Variants in SETD3 observed in about 807,000 individuals in gnomAD.
SETD3 encodes actin-histidine N-methyltransferase.
Under a neutral mutation model 63.0 loss-of-function variants are expected in SETD3, and 19 were observed. That is an observed-to-expected ratio of 0.30 (90% CI 0.21 to 0.44). SETD3 has a LOEUF of 0.44. SETD3 is among the 20% of genes least tolerant of loss of function. The pLI is 1.00. For missense variants in SETD3, 587 were observed against 728.5 expected, an observed-to-expected ratio of 0.81 and a Z score of 2.24; for synonymous variants, 286 against 264.1, an observed-to-expected ratio of 1.08 and a Z score of -0.80.
At chr14:99,481,431 C>G (rs1028181926), upstream of SETD3, 6 of 398,594 alleles carry the variant, frequency 1.5e-5, no homozygotes, top group Non-Finnish European at 2.7e-5. Context: ...ACAAGATGGC[C>G]GCAGTCGGCA....
At chr14:99,431,907 T>C (rs548292164) in intron 6 of SETD3, among the ~76,000 whole-genome samples, 14 of 152,288 alleles carry the variant, frequency 9.2e-5, no homozygotes, top group African/African-American at 3.4e-4. Flanking sequence ...CAAATTCTTA[T>C]TACAAGTCAA....
intron 6 of SETD3, among the ~76,000 whole-genome samples, chr14:99,427,522 A>T: frequency 6.6e-6 from 1 of 152,236 alleles, no homozygotes; most frequent in Non-Finnish European, 1.5e-5. Flanking sequence ...AAAGTTATCA[A>T]AGTAAAATAG....
At chr14:99,448,578 TAGAATGCAAGGATTAAATCTA>T (rs1894271501) in intron 6 of SETD3, among the ~76,000 whole-genome samples, 1 of 152,140 alleles carries the variant, frequency 6.6e-6, no homozygotes, top group Admixed American at 6.5e-5. Context: ...CCCATGACCA[TAGAATGCAAGGATTAAATCTA>T]GATTCACGGC....
chr14:99,418,218 A>G (rs1408295016), intron 6 of SETD3, among the ~76,000 whole-genome samples: 1 of 152,232 alleles, frequency 6.6e-6, no homozygotes, highest in African/African-American at 2.4e-5. Context: ...ATCAGAAATG[A>G]CAAAATATAA....
intron 1 of SETD3, among the ~76,000 whole-genome samples, chr14:99,467,063 T>TA (rs1456956265): frequency 1.3e-5 from 2 of 150,652 alleles, no homozygotes; most frequent in Non-Finnish European, 3.0e-5. Flanking sequence ...GACTCTGCTG[T>TA]AACTGAGTCC....
At chr14:99,407,342 G>A (rs985754951) in intron 8 of SETD3, among the ~76,000 whole-genome samples, 5 of 152,230 alleles carry the variant, frequency 3.3e-5, no homozygotes, top group East Asian at 3.9e-4. Context: ...AAACCCTCGC[G>A]TCTCACCTGG....
intron 1 of SETD3, among the ~76,000 whole-genome samples, chr14:99,479,930 T>C (rs1216711585): frequency 1.3e-5 from 2 of 151,456 alleles, no homozygotes; most frequent in Non-Finnish European, 2.9e-5. Flanking sequence ...CGCGCGTCAC[T>C]GTCAGCTCCT....
intron 6 of SETD3, among the ~76,000 whole-genome samples, chr14:99,446,719 G>A (rs562823801): frequency 1.3e-5 from 2 of 152,168 alleles, no homozygotes; most frequent in African/African-American, 2.4e-5. Flanking sequence ...GTAAAGAGAT[G>A]AGGAAGAGGA....
At chr14:99,453,486 T>A (rs1894579355) in intron 6 of SETD3, among the ~76,000 whole-genome samples, 1 of 152,154 alleles carries the variant, frequency 6.6e-6, no homozygotes, top group South Asian at 2.1e-4. Context: ...CTAGGGTGCC[T>A]ACAGCTCCTA....
chr14:99,402,241 C>T (rs942920600), intron 11 of SETD3, among the ~76,000 whole-genome samples: 1 of 152,194 alleles, frequency 6.6e-6, no homozygotes, highest in Non-Finnish European at 1.5e-5. Context: ...CCTCCAGACC[C>T]CTAGAGCACT....
chr14:99,414,070 G>T (rs923754488), intron 6 of SETD3, 136 bp from the exon 7 acceptor site: 4 of 737,046 alleles, frequency 5.4e-6, no homozygotes, highest in East Asian at 5.2e-5. Context: ...GTCCAGCCGC[G>T]CTACAGAGGG....
At chr14:99,452,695 A>G (rs1292499696) in intron 6 of SETD3, among the ~76,000 whole-genome samples, 7 of 152,208 alleles carry the variant, frequency 4.6e-5, no homozygotes, top group African/African-American at 7.2e-5. Flanking sequence ...GGTTGAATGG[A>G]CTATTATCAC....
upstream of SETD3, among the ~76,000 whole-genome samples, chr14:99,482,960 A>G (rs1479654911): frequency 6.6e-6 from 1 of 152,226 alleles, no homozygotes; most frequent in Non-Finnish European, 1.5e-5. Flanking sequence ...AAGGTAATTG[A>G]GGAGATTACA....
intron 8 of SETD3, chr14:99,410,385 G>T: frequency 1.1e-6 from 1 of 873,806 alleles, no homozygotes; most frequent in Non-Finnish European, 1.7e-6. Context: ...ACAAACAGAA[G>T]GACCCTGAAA....
chr14:99,410,899 T>C (rs1034007107), intron 8 of SETD3, among the ~76,000 whole-genome samples: 1 of 152,228 alleles, frequency 6.6e-6, no homozygotes, highest in African/African-American at 2.4e-5. Context: ...CCCTGAGTGA[T>C]AGTCAGGGTA....
chr14:99,451,120 T>C, intron 6 of SETD3, among the ~76,000 whole-genome samples: 1 of 152,206 alleles, frequency 6.6e-6, no homozygotes, highest in East Asian at 1.9e-4. Flanking sequence ...TTTCACACAA[T>C]TATAGTACTT....
chr14:99,476,496 G>A (rs993820029), intron 1 of SETD3, among the ~76,000 whole-genome samples: 1 of 152,200 alleles, frequency 6.6e-6, no homozygotes, highest in Non-Finnish European at 1.5e-5. Flanking sequence ...CACCATATCT[G>A]CAATGCCACA....
At chr14:99,415,740 C>G (rs574542524) in intron 6 of SETD3, among the ~76,000 whole-genome samples, 5 of 152,296 alleles carry the variant, frequency 3.3e-5, no homozygotes, top group African/African-American at 7.2e-5. Context: ...GGTGTACACA[C>G]TGTACATAAA....
chr14:99,454,555 C>A (rs1894647392), intron 6 of SETD3, among the ~76,000 whole-genome samples: 1 of 152,068 alleles, frequency 6.6e-6, no homozygotes. Flanking sequence ...CAAAACAAAA[C>A]CAAATAACAT....
Sources: gnomAD v4.1 joint callset for allele counts (sites outside exome capture counted in the v4.1 genomes callset) on GRCh38, gnomAD v4.1.1 for gene constraint, MANE v1.5 for transcripts, NCBI Gene and HGNC (gene_info 2026-07-23, HGNC 2026-07-21) for gene names.